Variants in INO80D observed in about 807,000 individuals in gnomAD.
INO80D encodes the protein INO80 complex subunit D.
Under a neutral mutation model 87.6 loss-of-function variants are expected in INO80D, and 21 were observed. The observed-to-expected ratio is 0.24, with a 90% confidence interval of 0.17 to 0.35. INO80D has a LOEUF of 0.35. Ranked by LOEUF, INO80D falls within the 10% of genes least tolerant of loss-of-function variation. The pLI is 1.00. For missense variants in INO80D, 982 were observed against 1,280.7 expected, an observed-to-expected ratio of 0.77 and a Z score of 3.56; for synonymous variants, 440 against 491.0, an observed-to-expected ratio of 0.90 and a Z score of 1.37.
intron 5 of INO80D, among the ~76,000 whole-genome samples, chr2:206,039,454 G>A (rs1688978753): frequency 1.3e-5 from 2 of 151,992 alleles, no homozygotes; most frequent in Admixed American, 6.6e-5. Context: ...TATAGCTTAG[G>A]CTCTTGGTTC....
chr2:206,074,657 G>C (rs1466035695), intron 1 of INO80D, among the ~76,000 whole-genome samples: 2 of 151,984 alleles, frequency 1.3e-5, no homozygotes, highest in Non-Finnish European at 2.9e-5. Flanking sequence ...ATCCTCATTG[G>C]GGCTGGGCAT....
intron 4 of INO80D, among the ~76,000 whole-genome samples, chr2:206,054,053 TG>T (rs979945872): frequency 6.6e-6 from 1 of 152,160 alleles, no homozygotes; most frequent in Non-Finnish European, 1.5e-5. Flanking sequence ...TTGGCCAGGC[TG>T]GTCTCGAACT....
intron 7 of INO80D, 128 bp downstream of exon 7, chr2:206,019,608 G>T: frequency 1.5e-6 from 1 of 646,642 alleles, no homozygotes; most frequent in Non-Finnish European, 2.5e-6. Context: ...AATTATGTTC[G>T]ATAAAATTAT....
intron 8 of INO80D, among the ~76,000 whole-genome samples, chr2:206,014,691 G>C (rs1342341460): frequency 6.6e-6 from 1 of 151,874 alleles, no homozygotes; most frequent in Non-Finnish European, 1.5e-5. Flanking sequence ...CACAAAAACA[G>C]ACTAATATAG....
intron 1 of INO80D, among the ~76,000 whole-genome samples, chr2:206,068,300 G>C (rs1689872830): frequency 6.6e-6 from 1 of 152,030 alleles, no homozygotes; most frequent in African/African-American, 2.4e-5. Flanking sequence ...GGGTCTTGCT[G>C]TGCTGCCCAG....
chr2:206,061,165 C>T (rs529166298), intron 3 of INO80D, among the ~76,000 whole-genome samples: 4 of 152,214 alleles, frequency 2.6e-5, no homozygotes, highest in African/African-American at 7.2e-5. Context: ...GCGTGTACCA[C>T]TACACCTGGC....
intron 3 of INO80D, among the ~76,000 whole-genome samples, chr2:206,060,053 A>G (rs1266773213): frequency 1.3e-5 from 2 of 152,180 alleles, no homozygotes; most frequent in African/African-American, 4.8e-5. Context: ...AAAGTTTTCA[A>G]AACTCGGCCA....
At chr2:206,057,369 GACAT>G (rs1689553129) in intron 3 of INO80D, among the ~76,000 whole-genome samples, 1 of 152,138 alleles carries the variant, frequency 6.6e-6, no homozygotes, top group Non-Finnish European at 1.5e-5. Context: ...AAGCTCTTAT[GACAT>G]AAAACCCTCA....
intron 8 of INO80D, among the ~76,000 whole-genome samples, chr2:206,015,189 G>T (rs1688285098): frequency 6.6e-6 from 1 of 152,164 alleles, no homozygotes; most frequent in Admixed American, 6.5e-5. Context: ...CAGTAGAAAA[G>T]AAAATCCCAC....
At chr2:206,070,674 C>G (rs1157020068) in intron 1 of INO80D, among the ~76,000 whole-genome samples, 1 of 151,734 alleles carries the variant, frequency 6.6e-6, no homozygotes, top group East Asian at 1.9e-4. Flanking sequence ...TAGGCAAGAT[C>G]ACGCCACTGC....
At position 205,997,037 on chromosome 2, in the gene INO80D, T is replaced by A. The variant is rs1687821476; in HGVS notation, c.*7331A>T. Reference sequence around the variant, plus strand: ...ACTATATCTAAGATGAAGTAAATGATGCTCAAGAGACAACTACAAATTCAG... The same window carrying A: ...ACTATATCTAAGATGAAGTAAATGAAGCTCAAGAGACAACTACAAATTCAG... On this transcript the variant is annotated 3_prime_UTR_variant, in exon 11 of 11. Coordinates refer to ENST00000403263, the MANE Select transcript of INO80D (RefSeq NM_017759.5). 1 of 152,120 alleles carries A rather than the reference T, an allele frequency of 6.6e-6. No homozygotes were observed. The highest frequency in any genetic ancestry group is 2.4e-5 in the African/African-American group (1 of 41,444). The allele number at this position is 152,120 out of a possible 1,614,324, so 9.4% of individuals were successfully genotyped here. A position where few individuals can be genotyped will look rare whatever the true frequency, so the allele number is the denominator to read the frequency against.
chr2:205,996,588 C>T lies in INO80D; in HGVS notation c.*7780G>A, dbSNP rs1448961892. 2 of 152,018 alleles carry T rather than the reference C, an allele frequency of 1.3e-5. No homozygotes were observed. Among genetic ancestry groups the T allele is most frequent in the East Asian group, 3.9e-4 (2 of 5,194 alleles). The allele number at this position is 152,018 out of a possible 1,614,324, so 9.4% of individuals were successfully genotyped here. ...ACAAAGGCTGTTTACCTATTATACACACACATTTTTAAGGGAAATATATGT... is the reference window on the plus strand; with the variant it reads ...ACAAAGGCTGTTTACCTATTATACATACACATTTTTAAGGGAAATATATGT... On this transcript the variant is annotated 3_prime_UTR_variant, in exon 11 of 11. Coordinates refer to ENST00000403263, the MANE Select transcript of INO80D (RefSeq NM_017759.5).
At chr2:206,073,400 G>A (rs928015266) in intron 1 of INO80D, among the ~76,000 whole-genome samples, 1 of 152,142 alleles carries the variant, frequency 6.6e-6, no homozygotes, top group Non-Finnish European at 1.5e-5. Flanking sequence ...GGCATTGAGT[G>A]CAAGATATAA....
Position 206,028,266 on chromosome 2 carries a change from T to C in INO80D, c.1143A>G (p.Lys381=). 4 of 1,612,866 alleles carry C rather than the reference T, an allele frequency of 2.5e-6. No individual in the cohort carries two copies. Among genetic ancestry groups the C allele is most frequent in the Non-Finnish European group, 3.4e-6 (4 of 1,178,908 alleles). Residue 381 remains lysine (K), a synonymous_variant, in exon 6 of 11, where the codon AAA becomes AAG. Coordinates refer to ENST00000403263, the MANE Select transcript of INO80D (RefSeq NM_017759.5). ...VTQLCTYFQQ[K]YKHLCRLERA... ...GCTCCAGGCGGCAGAGGTGCTTATA[T>C]TTCTGCTGAAAGTAAGTGCAAAGTT...
chr2:206,020,705 A>G (rs1469327761), intron 6 of INO80D, among the ~76,000 whole-genome samples: 1 of 152,218 alleles, frequency 6.6e-6, no homozygotes, highest in East Asian at 1.9e-4. Flanking sequence ...CCATAAAAAA[A>G]TGAAAGAATG....
rs781010359 is a variant in INO80D at position 205,998,184 on chromosome 2, T to G, written c.*6184A>C. The G allele has an allele frequency of 6.6e-5, 10 of 152,048 alleles. No individual in the cohort carries two copies. The highest frequency in any genetic ancestry group is 9.7e-5 in the African/African-American group (4 of 41,396). 9.4% of individuals were successfully genotyped at this position (152,048 alleles called of 1,614,324 possible). On this transcript the variant is annotated 3_prime_UTR_variant, in exon 11 of 11. Coordinates refer to ENST00000403263, the MANE Select transcript of INO80D (RefSeq NM_017759.5). ...CTTAGTTTACAAATTCCAGCTACAG[T>G]AGTTGGAGTTTTACTTGATCTATGT... is the stretch of plus-strand genomic sequence containing the variant.
In INO80D at chr2:206,001,831, G is replaced by A. The variant is rs1411556889; in HGVS notation, c.*2537C>T. The A allele has an allele frequency of 3.3e-5, 5 of 152,196 alleles. No individual in the cohort carries two copies. Among genetic ancestry groups the A allele is most frequent in the Admixed American group, 6.5e-5 (1 of 15,284 alleles). 9.4% of individuals were successfully genotyped at this position (152,196 alleles called of 1,614,324 possible). ...CAGCTTTCATCATGGGCATCCAAAC[G>A]AAAATGTATTTACTCAAAGTTTTTG... On this transcript the variant is annotated 3_prime_UTR_variant, in exon 11 of 11. Transcript: ENST00000403263.
intron 4 of INO80D, among the ~76,000 whole-genome samples, chr2:206,053,019 G>A (rs965066389): frequency 3.3e-5 from 5 of 151,936 alleles, no homozygotes; most frequent in African/African-American, 1.2e-4. Flanking sequence ...ACCCAGGGCT[G>A]ATAAAGATTT....
Position 206,005,149 on chromosome 2 carries a change from G to C in INO80D, c.2303C>G (p.Thr768Ser). Reference sequence around the variant, plus strand: ...CCCAAGTGCACTCTGGCTGATCAGAGTGGCAGAAGTAAGGCCAACGTTGGC... The same window carrying C: ...CCCAAGTGCACTCTGGCTGATCAGACTGGCAGAAGTAAGGCCAACGTTGGC... ...APANVGLTSATLISQSALGER... is the reference protein window; with the variant it reads ...APANVGLTSASLISQSALGER... The change falls in exon 11 of 11, where the codon ACT (threonine) becomes AGT (serine). Residue 768 changes from threonine to serine, a missense_variant. Physicochemically the swap from Thr to Ser is moderately conservative, Grantham distance 58. Coordinates refer to ENST00000403263, the MANE Select transcript of INO80D (RefSeq NM_017759.5). 1 of 1,614,022 alleles carries C rather than the reference G, an allele frequency of 6.2e-7. No individual in the cohort carries two copies. Among genetic ancestry groups the C allele is most frequent in the Non-Finnish European group, 8.5e-7 (1 of 1,179,888 alleles).
Sources: allele counts gnomAD v4.1 joint callset (sites outside exome capture counted in the v4.1 genomes callset), GRCh38; gene constraint gnomAD v4.1.1; transcripts MANE v1.5; gene names NCBI Gene and HGNC (gene_info 2026-07-23, HGNC 2026-07-21).